PTPRG: variants seen among roughly 807,000 people sequenced by gnomAD.
PTPRG encodes the protein protein tyrosine phosphatase receptor type G, also known as receptor-type tyrosine-protein phosphatase gamma.
A neutral mutation model predicts 165.3 loss-of-function variants in PTPRG; 102 were observed. That is an observed-to-expected ratio of 0.62 (90% CI 0.53 to 0.73). PTPRG has a LOEUF of 0.73. Ranked by LOEUF, PTPRG falls within the 30% of genes least tolerant of loss-of-function variation. PTPRG has a pLI of 0.00. For synonymous variants in PTPRG, 675 were observed against 669.5 expected (o/e 1.01, Z -0.13); for missense variants, 1,866 against 1,861.4 (o/e 1.00, Z -0.05).
At position 61,822,635 on chromosome 3, in the gene PTPRG, T is replaced by C. The variant is rs116208105; in HGVS notation, c.190+73653T>C. On this transcript the variant is annotated intron_variant, in intron 2 of 29. Transcript: ENST00000474889. ...AGGAGCTACATCCTTTAGAGTGTTATATTTGTGAAAATTCTCATAGCCTAG... is the reference window on the plus strand; with the variant it reads ...AGGAGCTACATCCTTTAGAGTGTTACATTTGTGAAAATTCTCATAGCCTAG... Among the ~76,000 whole-genome samples the C allele has an allele frequency of 9.5e-3, 1,440 of 152,364 alleles. 10 individuals are homozygous for C. Among genetic ancestry groups the C allele is most frequent in the Non-Finnish European group, 0.016 (1,098 of 68,034 alleles).
intron 2 of PTPRG, among the ~76,000 whole-genome samples, chr3:61,796,111 G>A (rs769920314): frequency 6.6e-6 from 1 of 152,118 alleles, no homozygotes; most frequent in Non-Finnish European, 1.5e-5. Flanking sequence ...CAGAGGGGAC[G>A]TCCTCATAGC....
intron 2 of PTPRG, among the ~76,000 whole-genome samples, chr3:61,983,212 A>G (rs943601594): frequency 6.6e-6 from 1 of 152,180 alleles, no homozygotes; most frequent in Non-Finnish European, 1.5e-5. Flanking sequence ...TAATTAAGCT[A>G]TTAGTACTGG....
intron 4 of PTPRG, among the ~76,000 whole-genome samples, chr3:62,012,013 G>T (rs1013318983): frequency 6.6e-6 from 1 of 151,622 alleles, no homozygotes; most frequent in African/African-American, 2.4e-5. Flanking sequence ...TGACCGTGGT[G>T]GCCCTCACAA....
At chr3:61,678,592 C>T (rs997697826) in intron 1 of PTPRG, among the ~76,000 whole-genome samples, 2 of 152,082 alleles carry the variant, frequency 1.3e-5, no homozygotes, top group African/African-American at 4.8e-5. Flanking sequence ...ACAAGATGGC[C>T]TCATCCCTGG....
chr3:62,285,712 C>T (rs1017647411), intron 28 of PTPRG, among the ~76,000 whole-genome samples: 6 of 151,992 alleles, frequency 3.9e-5, no homozygotes, highest in African/African-American at 1.5e-4. Context: ...GGCTGATCTA[C>T]ATCATTATTG....
chr3:61,981,360 G>A (rs895113125), intron 2 of PTPRG, among the ~76,000 whole-genome samples: 3 of 152,226 alleles, frequency 2.0e-5, no homozygotes, highest in African/African-American at 4.8e-5. Flanking sequence ...TCTTCCAGGC[G>A]CTAACTGGCG....
chr3:62,139,621 G>GCTT (rs1476201651), intron 6 of PTPRG, among the ~76,000 whole-genome samples: 13 of 152,184 alleles, frequency 8.5e-5, no homozygotes, highest in African/African-American at 3.1e-4. Context: ...CTGAGAACTC[G>GCTT]CTTCTATTAG....
chr3:61,984,392 C>G (rs1017857828), intron 2 of PTPRG, among the ~76,000 whole-genome samples: 3 of 152,232 alleles, frequency 2.0e-5, no homozygotes, highest in African/African-American at 7.2e-5. Context: ...TTTCCTTCGT[C>G]TTTTGTGTTT....
intron 2 of PTPRG, among the ~76,000 whole-genome samples, chr3:61,899,000 T>G (rs978586322): frequency 5.3e-5 from 8 of 152,130 alleles, no homozygotes; most frequent in Non-Finnish European, 1.2e-4. Context: ...CCTTGAGTTC[T>G]TGGGCTCAAG....
chr3:62,094,512 G>A (rs1373187329), intron 5 of PTPRG, among the ~76,000 whole-genome samples: 2 of 152,126 alleles, frequency 1.3e-5, no homozygotes, highest in Non-Finnish European at 2.9e-5. Flanking sequence ...CAGACATTCC[G>A]TTGAATACCT....
At chr3:62,136,877 A>T (rs915873079) in intron 6 of PTPRG, among the ~76,000 whole-genome samples, 1 of 152,176 alleles carries the variant, frequency 6.6e-6, no homozygotes, top group East Asian at 1.9e-4. Flanking sequence ...GCATGTCTTT[A>T]TGTGCAGCGT....
chr3:61,857,785 T>A (rs1489248578), intron 2 of PTPRG, among the ~76,000 whole-genome samples: 1 of 152,202 alleles, frequency 6.6e-6, no homozygotes, highest in Non-Finnish European at 1.5e-5. Context: ...TTTTCTGCAA[T>A]CAAATATGGC....
At chr3:62,185,763 C>T (rs1177970137) in intron 8 of PTPRG, among the ~76,000 whole-genome samples, 1 of 152,160 alleles carries the variant, frequency 6.6e-6, no homozygotes, top group Non-Finnish European at 1.5e-5. Flanking sequence ...ACGTACTTGC[C>T]ATTGGGCCTG....
Position 62,132,670 on chromosome 3 carries a change from T to G in PTPRG, c.682+2T>G. 1 of 1,605,102 alleles carries G rather than the reference T, an allele frequency of 6.2e-7. No individual in the cohort carries two copies. The highest frequency in any genetic ancestry group is 1.1e-5 in the South Asian group (1 of 90,890). ...GGTTGAAGGGTGTCGTACATCATGGTAAGTATGCCACATACACTTCCTTTT... is the reference window on the plus strand; with the variant it reads ...GGTTGAAGGGTGTCGTACATCATGGGAAGTATGCCACATACACTTCCTTTT... On this transcript the variant is annotated splice_donor_variant, in intron 6 of 29. Coordinates refer to ENST00000474889, the MANE Select transcript of PTPRG (RefSeq NM_002841.4). LOFTEE classifies it high-confidence loss of function.
intron 2 of PTPRG, among the ~76,000 whole-genome samples, chr3:61,753,210 A>G (rs1176016066): frequency 2.6e-5 from 4 of 152,198 alleles, no homozygotes; most frequent in Non-Finnish European, 4.4e-5. Flanking sequence ...CATAAATATA[A>G]GTTATTGTTG....
rs757054022 is a variant in PTPRG at position 62,231,205 on chromosome 3, T to C, written c.2289-20T>C. On this transcript the variant is annotated intron_variant, in intron 13 of 29. Transcript: ENST00000474889. ...ATACTGTATTCTACACCTGTTCTCT[T>C]TTGTTTTTTGTCCATTTAGAGGGTG... is the stretch of plus-strand genomic sequence containing the variant. 1 of 1,522,438 alleles carries C rather than the reference T, an allele frequency of 6.6e-7. No homozygotes were observed. Among genetic ancestry groups the C allele is most frequent in the Non-Finnish European group, 8.8e-7 (1 of 1,132,702 alleles). 94.3% of individuals were successfully genotyped at this position (1,522,438 alleles called of 1,614,324 possible). A position where few individuals can be genotyped will look rare whatever the true frequency, so the allele number is the denominator to read the frequency against.
chr3:62,192,082 C>T (rs938521229), intron 9 of PTPRG, among the ~76,000 whole-genome samples: 1 of 152,156 alleles, frequency 6.6e-6, no homozygotes, highest in East Asian at 1.9e-4. Flanking sequence ...TCCTCTTCCC[C>T]TACTAAAGCT....
At chr3:62,047,653 C>A (rs1451015968) in intron 4 of PTPRG, among the ~76,000 whole-genome samples, 1 of 152,134 alleles carries the variant, frequency 6.6e-6, no homozygotes, top group Non-Finnish European at 1.5e-5. Flanking sequence ...GTTCTCTAAC[C>A]CATTCAGCTG....
At chr3:61,708,866 A>T (rs569949984) in intron 1 of PTPRG, among the ~76,000 whole-genome samples, 12 of 152,354 alleles carry the variant, frequency 7.9e-5, no homozygotes, top group Non-Finnish European at 7.3e-5. Context: ...GTGACTGTGA[A>T]GGTGGTTTAG....
Sources: allele counts gnomAD v4.1 joint callset (sites outside exome capture counted in the v4.1 genomes callset), GRCh38; gene constraint gnomAD v4.1.1; transcripts MANE v1.5; gene names NCBI Gene and HGNC (gene_info 2026-07-23, HGNC 2026-07-21).